The following LARP4B variants were observed in gnomAD, a reference collection of about 807,000 sequenced individuals.
LARP4B encodes La ribonucleoprotein 4B, also known as la-related protein 4B.
LARP4B carries 12 observed loss-of-function variants against 89.8 expected under a neutral mutation model. That is an observed-to-expected ratio of 0.13 (90% confidence interval 0.09 to 0.22). The LOEUF is 0.22. Ranked by LOEUF, LARP4B falls within the 10% of genes least tolerant of loss-of-function variation. The pLI, the probability that LARP4B is intolerant of heterozygous loss-of-function variation, is 1.00. For missense variants in LARP4B, 757 were observed against 947.7 expected (o/e 0.80, Z 2.64); for synonymous variants, 367 against 363.3 (o/e 1.01, Z -0.12).
At chr10:860,087 G>C (rs1054525210) in intron 5 of LARP4B, among the ~76,000 whole-genome samples, 16 of 129,962 alleles carry the variant, frequency 1.2e-4, no homozygotes, top group Admixed American at 1.0e-3. Flanking sequence ...CCTCTGGTGA[G>C]GGAGTGTGAA....
the LARP4B span, among the ~76,000 whole-genome samples, chr10:943,435 A>G: frequency 2.0e-5 from 3 of 150,286 alleles, no homozygotes; most frequent in African/African-American, 7.4e-5. Flanking sequence ...GTTGTGTTTC[A>G]TTTTGTCTTT....
the LARP4B span, among the ~76,000 whole-genome samples, chr10:961,045 C>T: frequency 6.6e-6 from 1 of 152,134 alleles, no homozygotes. Flanking sequence ...GAACGCCAAA[C>T]TGCCACTGAT....
intron 1 of LARP4B, among the ~76,000 whole-genome samples, chr10:924,666 TTCTC>T (rs1428374410): frequency 6.6e-6 from 1 of 152,220 alleles, no homozygotes; most frequent in Non-Finnish European, 1.5e-5. Flanking sequence ...ACACAGGTAA[TTCTC>T]TCTGCTGACC....
chr10:935,030 G>C (rs1303425935), upstream of LARP4B, among the ~76,000 whole-genome samples: 2 of 152,202 alleles, frequency 1.3e-5, no homozygotes, highest in African/African-American at 4.8e-5. Flanking sequence ...GTGGAAAGAA[G>C]ACCCTTCACA....
chr10:980,689 G>T, the LARP4B span, among the ~76,000 whole-genome samples: 1 of 152,198 alleles, frequency 6.6e-6, no homozygotes, highest in Non-Finnish European at 1.5e-5. Context: ...GGATACCCTG[G>T]GCCTGACCCG....
At chr10:874,994 A>T (rs925684485) in intron 3 of LARP4B, among the ~76,000 whole-genome samples, 3 of 152,246 alleles carry the variant, frequency 2.0e-5, no homozygotes, top group African/African-American at 7.2e-5. Context: ...TGTACAGATA[A>T]GGGAAATGAG....
At chr10:813,432 A>G (rs1294938239) in intron 17 of LARP4B, among the ~76,000 whole-genome samples, 2 of 152,248 alleles carry the variant, frequency 1.3e-5, no homozygotes, top group Non-Finnish European at 2.9e-5. Flanking sequence ...TAAAATTAGA[A>G]AAGGCATGAC....
intron 1 of LARP4B, among the ~76,000 whole-genome samples, chr10:887,450 C>T (rs950762326): frequency 1.1e-4 from 17 of 151,690 alleles, no homozygotes; most frequent in African/African-American, 4.1e-4. Context: ...TGGCTCATAC[C>T]TATAAATCCC....
At chr10:833,424 T>C (rs1833034968) in intron 8 of LARP4B, among the ~76,000 whole-genome samples, 1 of 151,070 alleles carries the variant, frequency 6.6e-6, no homozygotes, top group Non-Finnish European at 1.5e-5. Flanking sequence ...ATACCTAATA[T>C]GCCAAAAAAG....
At chr10:908,493 A>T (rs1171920535) in intron 1 of LARP4B, among the ~76,000 whole-genome samples, 1 of 152,172 alleles carries the variant, frequency 6.6e-6, no homozygotes, top group Non-Finnish European at 1.5e-5. Flanking sequence ...GTGGCGTGGG[A>T]GTGGCATCAG....
At chr10:863,388 GATTTTTTTTGT>G (rs1834726408) in intron 5 of LARP4B, among the ~76,000 whole-genome samples, 1 of 151,704 alleles carries the variant, frequency 6.6e-6, no homozygotes, top group South Asian at 2.1e-4. Flanking sequence ...ACGCCCAGCT[GATTTTTTTTGT>G]ATTTTTTTTT....
intron 1 of LARP4B, among the ~76,000 whole-genome samples, chr10:921,040 A>G (rs146624889): frequency 0.036 from 5,533 of 152,210 alleles, 238 homozygotes; most frequent in African/African-American, 0.1. Flanking sequence ...TTGGGAGGCC[A>G]AGGCAGGCGG....
chr10:926,426 G>C lies in LARP4B; in HGVS notation c.-40+5002C>G, dbSNP rs538060490. On this transcript the variant is annotated intron_variant, in intron 1 of 17. Coordinates refer to ENST00000316157, the MANE Select transcript of LARP4B (RefSeq NM_015155.3). ...ACCAACAGCAATGGCTACAACGTTT[G>C]CAACACCAAGGTAGGAGAGGGAGGC... is the stretch of plus-strand genomic sequence containing the variant. 9.8e-5 allele frequency among the ~76,000 whole-genome samples: 15 copies of C among 152,302 alleles called. No individual in the cohort carries two copies. The East Asian group carries it at 1.9e-3, about 20-fold the overall frequency.
intron 8 of LARP4B, among the ~76,000 whole-genome samples, chr10:831,459 A>G (rs1040329396): frequency 2.0e-5 from 3 of 152,196 alleles, no homozygotes; most frequent in African/African-American, 7.2e-5. Flanking sequence ...GATCCCTGAG[A>G]GGGACATGAA....
chr10:951,071 C>T, the LARP4B span, among the ~76,000 whole-genome samples: 1 of 151,076 alleles, frequency 6.6e-6, no homozygotes, highest in South Asian at 2.1e-4. Context: ...CTGTTTTTGC[C>T]TTATTGCAAT....
At chr10:856,530 G>A (rs113960665) in intron 5 of LARP4B, among the ~76,000 whole-genome samples, 4,217 of 152,300 alleles carry the variant, frequency 0.028, 84 homozygotes, top group Non-Finnish European at 0.043. Flanking sequence ...AACATATGGA[G>A]CAGAAACCTT....
At chr10:913,567 T>C (rs183514994) in intron 1 of LARP4B, among the ~76,000 whole-genome samples, 23 of 152,286 alleles carry the variant, frequency 1.5e-4, no homozygotes, top group Non-Finnish European at 2.8e-4. Flanking sequence ...TCACAGGCTG[T>C]AGAAATGATT....
chr10:867,758 G>C (rs911093739), intron 3 of LARP4B, among the ~76,000 whole-genome samples: 6 of 151,568 alleles, frequency 4.0e-5, no homozygotes, highest in Non-Finnish European at 7.4e-5. Context: ...CTACTTGGGA[G>C]GCTGAGGCAG....
chr10:843,749 A>T (rs1588896236), intron 6 of LARP4B, among the ~76,000 whole-genome samples: 2 of 152,230 alleles, frequency 1.3e-5, no homozygotes, highest in East Asian at 1.9e-4. Flanking sequence ...CAGCTCAATG[A>T]ACAAGAAAGG....
Sources: allele counts gnomAD v4.1 joint callset (sites outside exome capture counted in the v4.1 genomes callset), GRCh38; gene constraint gnomAD v4.1.1; transcripts MANE v1.5; gene names NCBI Gene and HGNC (gene_info 2026-07-23, HGNC 2026-07-21).